Variants in LCP1 observed in about 807,000 individuals in gnomAD.
LCP1 encodes the protein lymphocyte cytosolic protein 1.
Under a neutral mutation model 72.0 loss-of-function variants are expected in LCP1, and 23 were observed. The observed-to-expected ratio is 0.32, with a 90% CI of 0.23 to 0.45. The LOEUF is 0.45. LCP1 is among the 20% of genes least tolerant of loss of function. The probability of loss-of-function intolerance (pLI) is 1.00; values close to 1 mark genes in which losing one functional copy is unlikely to be tolerated. For synonymous variants in LCP1, 245 were observed against 275.4 expected, an observed-to-expected ratio of 0.89 and a Z score of 1.09; for missense variants, 571 against 748.3, an observed-to-expected ratio of 0.76 and a Z score of 2.76.
In LCP1 at chr13:46,142,367, A is replaced by AGATCTTGT. The variant is rs748555023; in HGVS notation, c.1426_1427insACAAGATC (p.Val476AspfsTer22). ...ATTGAGATCTTGTCCACCGATGCCA[A>AGATCTTGT]CCAGGGAGAACTTCGCTTGATTCTT... On this transcript the variant is annotated frameshift_variant, in exon 13 of 16. Transcript: ENST00000323076. LOFTEE classifies it high-confidence loss of function. The AGATCTTGT allele has an allele frequency of 1.2e-6, 2 of 1,614,076 alleles. No homozygotes were observed. The highest frequency in any genetic ancestry group is 1.7e-6 in the Non-Finnish European group (2 of 1,179,962).
chr13:46,166,725 T>C (rs1014314016), intron 1 of LCP1, among the ~76,000 whole-genome samples: 1 of 152,130 alleles, frequency 6.6e-6, no homozygotes, highest in Non-Finnish European at 1.5e-5. Flanking sequence ...AAAATACCCA[T>C]ACATTTTTAA....
rs752423273 is a variant in LCP1, at chr13:46,153,195, G to A, written c.574-250C>T. 1.9e-4 allele frequency: 62 copies of A among 330,318 alleles called. 1 individual carries two copies. The highest frequency in any genetic ancestry group is 3.0e-4 in the Non-Finnish European group (54 of 179,796). The allele number at this position is 330,318 out of a possible 1,614,324, so 20.5% of individuals were successfully genotyped here. A position where few individuals can be genotyped will look rare whatever the true frequency, so the allele number is the denominator to read the frequency against. Reference sequence around the variant, plus strand: ...GCACCATAAGTTGAAGGCCCATTCTGGTTGGCATGAGACTGATGAGGCCTA... The same window carrying A: ...GCACCATAAGTTGAAGGCCCATTCTAGTTGGCATGAGACTGATGAGGCCTA... On this transcript the variant is annotated intron_variant, in intron 6 of 15. Transcript: ENST00000323076.
At chr13:46,174,843 A>G (rs2045920753) in intron 1 of LCP1, among the ~76,000 whole-genome samples, 1 of 144,336 alleles carries the variant, frequency 6.9e-6, no homozygotes, top group South Asian at 2.1e-4. Context: ...TCAAAAAAAA[A>G]AAAAAAAAGA....
rs748548175 is a variant in LCP1 at position 46,144,547 on chromosome 13, T to C, written c.1175-27A>G. 3 of 1,551,492 alleles carry C rather than the reference T, an allele frequency of 1.9e-6. No homozygotes were observed. The South Asian group carries it at 3.4e-5, about 17-fold the overall frequency. ...TAGATGAATGAAGATGGGTTATCTT[T>C]TGGGACCGAAGAAAACATAGCTTTT... is the stretch of plus-strand genomic sequence containing the variant. On this transcript the variant is annotated intron_variant, in intron 10 of 15. Transcript: ENST00000323076.
At chr13:46,130,066 C>A (rs777268413) in intron 15 of LCP1, among the ~76,000 whole-genome samples, 15 of 152,218 alleles carry the variant, frequency 9.9e-5, no homozygotes, top group Admixed American at 6.5e-5. Flanking sequence ...TGATTGCAAA[C>A]CTCTAGCTCC....
chr13:46,148,114 T>G (rs13378120), intron 9 of LCP1, among the ~76,000 whole-genome samples: 14,017 of 152,272 alleles, frequency 0.092, 1,344 homozygotes, highest in African/African-American at 0.24. Flanking sequence ...ATATATAGAA[T>G]TGCCTAGCAT....
rs115928236 is a variant in LCP1, at chr13:46,179,251, A to G, written c.-25+2860T>C. ...ACTAGGGCTTCGGTAAAGCTGAAACATGGTAGAATGCAAAATATTATATTA... is the reference window on the plus strand; with the variant it reads ...ACTAGGGCTTCGGTAAAGCTGAAACGTGGTAGAATGCAAAATATTATATTA... On this transcript the variant is annotated intron_variant, in intron 1 of 15. Coordinates refer to ENST00000323076, the MANE Select transcript of LCP1 (RefSeq NM_002298.5). Among the ~76,000 whole-genome samples, 1,427 of 152,364 alleles carry G rather than the reference A, an allele frequency of 9.4e-3. 18 individuals carry two copies. The highest frequency in any genetic ancestry group is 0.03 in the African/African-American group (1,262 of 41,582).
chr13:46,166,217 A>T (rs1273640599), intron 1 of LCP1, among the ~76,000 whole-genome samples: 1 of 152,238 alleles, frequency 6.6e-6, no homozygotes, highest in Admixed American at 6.5e-5. Flanking sequence ...TCTAAAGTAA[A>T]TGTAAAAATG....
intron 1 of LCP1, among the ~76,000 whole-genome samples, chr13:46,176,066 A>G (rs1593967171): frequency 6.6e-6 from 1 of 152,110 alleles, no homozygotes; most frequent in Admixed American, 6.6e-5. Flanking sequence ...GGGTAGGGGG[A>G]AGGTGGAGGA....
chr13:46,163,279 T>C (rs2045856088), intron 1 of LCP1, among the ~76,000 whole-genome samples: 1 of 152,266 alleles, frequency 6.6e-6, no homozygotes. Flanking sequence ...GGCTCCATTT[T>C]GTTCTGTATT....
chr13:46,134,475 C>T (rs1342339813), intron 13 of LCP1, among the ~76,000 whole-genome samples: 2 of 151,986 alleles, frequency 1.3e-5, no homozygotes, highest in Non-Finnish European at 2.9e-5. Flanking sequence ...CAGATACCTC[C>T]TTTCTAAGCA....
At chr13:46,139,766 T>C (rs1207203768) in intron 13 of LCP1, among the ~76,000 whole-genome samples, 2 of 152,250 alleles carry the variant, frequency 1.3e-5, no homozygotes, top group Non-Finnish European at 2.9e-5. Flanking sequence ...TATTTGTGTA[T>C]CTTTTTATAA....
At chr13:46,173,947 T>C (rs527340244) in intron 1 of LCP1, among the ~76,000 whole-genome samples, 10 of 152,340 alleles carry the variant, frequency 6.6e-5, no homozygotes, top group African/African-American at 2.4e-4. Context: ...TCTCTGGGCA[T>C]CTGTGATGAG....
In LCP1 at chr13:46,130,810, G is replaced by T; in HGVS notation, c.1751+4C>A. 1 of 1,612,398 alleles carries T rather than the reference G, an allele frequency of 6.2e-7. No individual in the cohort carries two copies. Among genetic ancestry groups the T allele is most frequent in the Middle Eastern group, 1.7e-4 (1 of 6,050 alleles). ...CAATCTGAGGTTTATTTTTATTTAC[G>T]TACTTTGCATTGTTGAGTTTCTCAT... On this transcript the variant is annotated splice_donor_region_variant and intron_variant, in intron 15 of 15. Transcript: ENST00000323076.
intron 2 of LCP1, 120 bp from the exon 3 acceptor site, chr13:46,159,109 C>T (rs2045821986): frequency 2.3e-6 from 2 of 875,774 alleles, no homozygotes; most frequent in East Asian, 2.4e-5. Flanking sequence ...GACATTAAGG[C>T]ATGATCCCAG....
At chr13:46,165,379 CA>C (rs375432920) in intron 1 of LCP1, among the ~76,000 whole-genome samples, 13 of 139,864 alleles carry the variant, frequency 9.3e-5, no homozygotes, top group African/African-American at 2.6e-4. Flanking sequence ...ATTTCAAAAA[CA>C]AAAAAAAAAC....
At chr13:46,163,634 A>T (rs78139390) in intron 1 of LCP1, among the ~76,000 whole-genome samples, 2 of 88,056 alleles carry the variant, frequency 2.3e-5, no homozygotes, top group Non-Finnish European at 4.9e-5. Flanking sequence ...ATGATCAATT[A>T]AAAAAAAAAA....
chr13:46,164,340 AT>A (rs890841910), intron 1 of LCP1, among the ~76,000 whole-genome samples: 9 of 152,122 alleles, frequency 5.9e-5, no homozygotes, highest in Admixed American at 4.6e-4. Flanking sequence ...ATAATGGGAA[AT>A]TTTTTTTACC....
chr13:46,158,659 A>C lies in LCP1; in HGVS notation c.229-8T>G. ...TTTTAGGCCATGGAAAATCTGCAAA[A>C]ATATAATGTATCTTTAGAAACTCAA... On this transcript the variant is annotated splice_polypyrimidine_tract_variant and splice_region_variant and intron_variant, in intron 3 of 15. Coordinates refer to ENST00000323076, the MANE Select transcript of LCP1 (RefSeq NM_002298.5). 1 of 1,614,106 alleles carries C rather than the reference A, an allele frequency of 6.2e-7. No individual in the cohort carries two copies. Among genetic ancestry groups the C allele is most frequent in the South Asian group, 1.1e-5 (1 of 91,076 alleles).
Sources: allele counts gnomAD v4.1 joint callset (sites outside exome capture counted in the v4.1 genomes callset), GRCh38; gene constraint gnomAD v4.1.1; transcripts MANE v1.5; gene names NCBI Gene and HGNC (gene_info 2026-07-23, HGNC 2026-07-21).